Variants in BCDIN3D observed in about 807,000 individuals in gnomAD.
The protein encoded by BCDIN3D is BCDIN3 domain containing RNA methyltransferase.
Under a neutral mutation model 21.2 loss-of-function variants are expected in BCDIN3D, and 15 were observed. The observed-to-expected ratio is 0.71, with a 90% CI of 0.47 to 1.09. The LOEUF (loss-of-function observed/expected upper bound fraction) is 1.09, where lower values mean the gene tolerates loss of function less well. Among genes scored for constraint, BCDIN3D ranks in the 50% least tolerant of loss-of-function variants. The pLI is 0.00. For missense variants in BCDIN3D, 331 were observed against 366.2 expected (o/e 0.90, Z 0.79); for synonymous variants, 127 against 141.9 (o/e 0.90, Z 0.75).
chr12:49,841,686 G>C (rs1233714546), intron 1 of BCDIN3D, among the ~76,000 whole-genome samples: 1 of 152,160 alleles, frequency 6.6e-6, no homozygotes, highest in Non-Finnish European at 1.5e-5. Context: ...TCCAGTCTTT[G>C]AGACTGTATC....
At position 49,838,962 on chromosome 12, in the gene BCDIN3D, G is replaced by C; in HGVS notation, c.288C>G (p.Thr96=). ...KHFLSLPDGE[T]CSDASREFRL... is the part of the protein sequence containing the mutation. ...GGAATTCTCTTGAGGCATCTGAGCA[G>C]GTTTCCCCGTCAGGTAGGGAGAGGA... Residue 96 remains threonine, a synonymous_variant, in exon 2 of 2, where the codon ACC becomes ACG. Coordinates refer to ENST00000333924, the MANE Select transcript of BCDIN3D (RefSeq NM_181708.3). The C allele has an allele frequency of 1.9e-6, 3 of 1,614,102 alleles. No individual in the cohort carries two copies. Among genetic ancestry groups the C allele is most frequent in the Non-Finnish European group, 2.5e-6 (3 of 1,180,042 alleles).
Position 49,838,590 on chromosome 12 carries a change from G to C in BCDIN3D, c.660C>G (p.His220Gln). 1.9e-6 allele frequency: 3 copies of C among 1,614,104 alleles called. No individual in the cohort carries two copies. Among genetic ancestry groups the C allele is most frequent in the Non-Finnish European group, 2.5e-6 (3 of 1,179,974 alleles). Residue 220 changes from histidine (H) to glutamine (Q), a missense_variant, in exon 2 of 2, where the codon CAC (histidine) becomes CAG (glutamine). Transcript: ENST00000333924. ...LRKLGLHDFD[H>Q]FHSLAIRGDM... ...CACCTCGGATGGCAAGGGAGTGGAA[G>C]TGGTCAAAATCATGGAGTCCCAGCT... is the stretch of plus-strand genomic sequence containing the variant.
chr12:49,843,051 T>C lies in BCDIN3D; in HGVS notation c.37A>G (p.Lys13Glu). The C allele has an allele frequency of 6.2e-7, 1 of 1,614,172 alleles. No homozygotes were observed. Among genetic ancestry groups the C allele is most frequent in the South Asian group, 1.1e-5 (1 of 91,080 alleles). The change falls in exon 1 of 2, where the codon AAG (lysine) becomes GAG (glutamate). Residue 13 changes from lysine to glutamate, a missense_variant. Coordinates refer to ENST00000333924, the MANE Select transcript of BCDIN3D (RefSeq NM_181708.3). Reference sequence around the variant, plus strand: ...GATTCCTCTTCCGCTGCGGTCTCCTTAACACTCCCTCCATCCAGTTCCGTG... The same window carrying C: ...GATTCCTCTTCCGCTGCGGTCTCCTCAACACTCCCTCCATCCAGTTCCGTG... ...VPTELDGGSVKETAAEEESRV... is the reference protein window; with the variant it reads ...VPTELDGGSVEETAAEEESRV...
At position 49,838,337 on chromosome 12, in the gene BCDIN3D, T is replaced by G; in HGVS notation, c.*34A>C. ...ACATAATTCTCAATATAAAACCCTT[T>G]CAATATCTTTCTTGGTCTTCTTGCC... On this transcript the variant is annotated 3_prime_UTR_variant, in exon 2 of 2. Transcript: ENST00000333924. The G allele has an allele frequency of 3.8e-6, 6 of 1,568,154 alleles. No homozygotes were observed. Among genetic ancestry groups the G allele is most frequent in the Non-Finnish European group, 5.2e-6 (6 of 1,163,048 alleles).
rs1170223733 is a variant in BCDIN3D, at chr12:49,838,271, G to C, written c.*100C>G. ...ACATTTTACCAAAAGCTCCTGCCAG[G>C]TTTTGCGGCTGCCTGATTGTTAAGG... is the stretch of plus-strand genomic sequence containing the variant. On this transcript the variant is annotated 3_prime_UTR_variant, in exon 2 of 2. Transcript: ENST00000333924. The C allele has an allele frequency of 1.6e-6, 2 of 1,284,404 alleles. No individual in the cohort carries two copies. Among genetic ancestry groups the C allele is most frequent in the Non-Finnish European group, 2.1e-6 (2 of 937,090 alleles). 79.6% of individuals were successfully genotyped at this position (1,284,404 alleles called of 1,614,324 possible).
chr12:49,841,017 T>G (rs1946549104), intron 1 of BCDIN3D: 1 of 152,016 alleles, frequency 6.6e-6, no homozygotes, highest in African/African-American at 2.4e-5. Context: ...TTTTGCCATG[T>G]TGCCCAGGCT....
chr12:49,838,402 T>C lies in BCDIN3D; in HGVS notation c.848A>G (p.Glu283Gly). Residue 283 changes from glutamate to glycine, a missense_variant, in exon 2 of 2, where the codon GAA becomes GGA. Coordinates refer to ENST00000333924, the MANE Select transcript of BCDIN3D (RefSeq NM_181708.3). ...CTTCTGGAAACTTAATCTGTTCTTT[T>C]CTTTCCCTTTTTCTATCAGTGATTC... ...IPESLIEKGKEKNRLSFQKQ is the reference protein window; with the variant it reads ...IPESLIEKGKGKNRLSFQKQ 1 of 1,608,434 alleles carries C rather than the reference T, an allele frequency of 6.2e-7. No homozygotes were observed. The highest frequency in any genetic ancestry group is 8.5e-7 in the Non-Finnish European group (1 of 1,179,942).
chr12:49,839,148 TAA>T, intron 1 of BCDIN3D, 133 bp from the exon 2 acceptor site: 1 of 1,148,310 alleles, frequency 8.7e-7, no homozygotes, highest in Non-Finnish European at 1.2e-6. Flanking sequence ...AACCATAACC[TAA>T]AGAGGTTGTG....
In BCDIN3D at chr12:49,837,038, A is replaced by G. The variant is rs1035784031; in HGVS notation, c.*1333T>C. Reference sequence around the variant, plus strand: ...GCTGCTGGACTTTGAGAGCATTTCAATGTGGGGGAGTGTAAGTGAGAAAAT... The same window carrying G: ...GCTGCTGGACTTTGAGAGCATTTCAGTGTGGGGGAGTGTAAGTGAGAAAAT... On this transcript the variant is annotated 3_prime_UTR_variant, in exon 2 of 2. Transcript: ENST00000333924. The G allele has an allele frequency of 3.9e-5, 6 of 152,322 alleles. No individual in the cohort carries two copies. The highest frequency in any genetic ancestry group is 1.9e-4 in the East Asian group (1 of 5,182). 9.4% of individuals were successfully genotyped at this position (152,322 alleles called of 1,614,324 possible).
chr12:49,838,828 G>T lies in BCDIN3D; in HGVS notation c.422C>A (p.Thr141Asn). The part of the protein sequence containing the change: ...FITLDFMNQR[T>N]RKVLLSSFLS... ...GAAAGAGCTCAAGAGAACCTTCCGG[G>T]TCCTTTGATTCATGAAGTCCAGGGT... The change falls in exon 2 of 2, where the codon ACC (threonine) becomes AAC (asparagine). Residue 141 changes from threonine to asparagine, a missense_variant. Transcript: ENST00000333924. 1 of 1,614,152 alleles carries T rather than the reference G, an allele frequency of 6.2e-7. No homozygotes were observed. The highest frequency in any genetic ancestry group is 8.5e-7 in the Non-Finnish European group (1 of 1,180,032).
At chr12:49,841,059 A>AG (rs1416842945) in intron 1 of BCDIN3D, 1 of 152,128 alleles carries the variant, frequency 6.6e-6, no homozygotes, top group Non-Finnish European at 1.5e-5. Context: ...GAAAAAAAAA[A>AG]GCACCCATAA....
chr12:49,838,144 C>G lies in BCDIN3D; in HGVS notation c.*227G>C. 2.0e-6 allele frequency: 1 copy of G among 510,062 alleles called. No homozygotes were observed. Among genetic ancestry groups the G allele is most frequent in the Non-Finnish European group, 3.5e-6 (1 of 289,726 alleles). The allele number at this position is 510,062 out of a possible 1,614,324, so 31.6% of individuals were successfully genotyped here. On this transcript the variant is annotated 3_prime_UTR_variant, in exon 2 of 2. Transcript: ENST00000333924. ...CAGGACCACTTTTCCTAGGCCATCT[C>G]AATCCAGATATCCTAGCTCATCACT...
rs1565602638 is a variant in BCDIN3D at position 49,836,714 on chromosome 12, G to C, written c.*1657C>G. 6.6e-6 allele frequency: 1 copy of C among 152,312 alleles called. No individual in the cohort carries two copies. Among genetic ancestry groups the C allele is most frequent in the Non-Finnish European group, 1.5e-5 (1 of 68,032 alleles). The allele number at this position is 152,312 out of a possible 1,614,324, so 9.4% of individuals were successfully genotyped here. A position where few individuals can be genotyped will look rare whatever the true frequency, so the allele number is the denominator to read the frequency against. Reference sequence around the variant, plus strand: ...TAGTAAGATGCATGTTTTCTACAAGGTGAGATGTTTTTCTCATAAGCCTCC... The same window carrying C: ...TAGTAAGATGCATGTTTTCTACAAGCTGAGATGTTTTTCTCATAAGCCTCC... On this transcript the variant is annotated 3_prime_UTR_variant, in exon 2 of 2. Coordinates refer to ENST00000333924, the MANE Select transcript of BCDIN3D (RefSeq NM_181708.3).
In BCDIN3D at chr12:49,838,570, C is replaced by T. The variant is rs114157396; in HGVS notation, c.680G>A (p.Arg227Gln). The part of the protein sequence containing the change: ...DFDHFHSLAI[R>Q]GDMPNQIVQI... Reference sequence around the variant, plus strand: ...CACAATCTGATTGGGCATGTCACCTCGGATGGCAAGGGAGTGGAAGTGGTC... The same window carrying T: ...CACAATCTGATTGGGCATGTCACCTTGGATGGCAAGGGAGTGGAAGTGGTC... Residue 227 changes from arginine (R) to glutamine (Q), a missense_variant, in exon 2 of 2, where the codon CGA becomes CAA. Arg to Gln is a conservative substitution (Grantham distance 43, BLOSUM62 1). Transcript: ENST00000333924. 1,569 of 1,614,120 alleles carry T rather than the reference C, an allele frequency of 9.7e-4. 13 individuals are homozygous for T. The African/African-American group carries it at 0.018, about 19-fold the overall frequency.
intron 1 of BCDIN3D, chr12:49,839,317 C>T (rs929837954): frequency 1.0e-4 from 35 of 346,334 alleles, no homozygotes; most frequent in Non-Finnish European, 1.6e-4. Context: ...GCAGTATTTC[C>T]CAGCTTAAGT....
In BCDIN3D at chr12:49,838,335, T is replaced by G; in HGVS notation, c.*36A>C. 1 of 1,565,832 alleles carries G rather than the reference T, an allele frequency of 6.4e-7. No individual in the cohort carries two copies. Among genetic ancestry groups the G allele is most frequent in the Non-Finnish European group, 8.6e-7 (1 of 1,161,610 alleles). On this transcript the variant is annotated 3_prime_UTR_variant, in exon 2 of 2. Coordinates refer to ENST00000333924, the MANE Select transcript of BCDIN3D (RefSeq NM_181708.3). ...GAACATAATTCTCAATATAAAACCC[T>G]TTCAATATCTTTCTTGGTCTTCTTG... is the stretch of plus-strand genomic sequence containing the variant.
intron 1 of BCDIN3D, among the ~76,000 whole-genome samples, chr12:49,842,064 TGTA>T (rs1946556673): frequency 6.6e-6 from 1 of 152,228 alleles, no homozygotes; most frequent in African/African-American, 2.4e-5. Flanking sequence ...TCCTCTCCAC[TGTA>T]CTCTGTCAAC....
rs1032858052 is a variant in BCDIN3D, at chr12:49,837,298, T to G, written c.*1073A>C. On this transcript the variant is annotated 3_prime_UTR_variant, in exon 2 of 2. Transcript: ENST00000333924. ...GTTTTTTTTTTTGTTTTTTTTTTTT[T>G]TTTTTTTGAGACGGAGTCTCGCTCT... 9 of 137,302 alleles carry G rather than the reference T, an allele frequency of 6.6e-5. No homozygotes were observed. Among genetic ancestry groups the G allele is most frequent in the African/African-American group, 1.1e-4 (4 of 35,972 alleles). The allele number at this position is 137,302 out of a possible 1,614,324, so 8.5% of individuals were successfully genotyped here.
In BCDIN3D at chr12:49,837,871, T is replaced by G. The variant is rs918049236; in HGVS notation, c.*500A>C. 1 of 152,226 alleles carries G rather than the reference T, an allele frequency of 6.6e-6. No individual in the cohort carries two copies. Among genetic ancestry groups the G allele is most frequent in the Admixed American group, 6.5e-5 (1 of 15,280 alleles). 9.4% of individuals were successfully genotyped at this position (152,226 alleles called of 1,614,324 possible). ...CTGTACTTAAAAACGGTTAAAATGG[T>G]AAATTTTATGTATATATTACAATAG... On this transcript the variant is annotated 3_prime_UTR_variant, in exon 2 of 2. Coordinates refer to ENST00000333924, the MANE Select transcript of BCDIN3D (RefSeq NM_181708.3).
Sources: allele counts gnomAD v4.1 joint callset (sites outside exome capture counted in the v4.1 genomes callset), GRCh38; gene constraint gnomAD v4.1.1; transcripts MANE v1.5; gene names NCBI Gene and HGNC (gene_info 2026-07-23, HGNC 2026-07-21).